The following RBFOX1 variants were observed in gnomAD, a reference collection of about 807,000 sequenced individuals.
RBFOX1 encodes the protein RNA binding protein fox-1 homolog 1.
Under a neutral mutation model 57.7 loss-of-function variants are expected in RBFOX1, and 8 were observed. That is an observed-to-expected ratio of 0.14 (90% CI 0.08 to 0.25). RBFOX1 has a LOEUF of 0.25. Among genes scored for constraint, RBFOX1 ranks in the 10% least tolerant of loss-of-function variants. The pLI is 1.00. For synonymous variants in RBFOX1, 326 were observed against 222.4 expected (o/e 1.47, Z -4.15); for missense variants, 611 against 548.5 (o/e 1.11, Z -1.14).
intron 2 of RBFOX1, among the ~76,000 whole-genome samples, chr16:6,385,264 G>A (rs1057366273): frequency 1.3e-5 from 2 of 152,202 alleles, no homozygotes; most frequent in Admixed American, 1.3e-4. Flanking sequence ...AAGGACGTAG[G>A]TCTGGGTTCG....
Position 7,183,692 on chromosome 16 carries a change from G to A in RBFOX1, c.27+131594G>A, listed in dbSNP as rs980219536. On this transcript the variant is annotated intron_variant, in intron 4 of 15. Coordinates refer to ENST00000550418, the MANE Select transcript of RBFOX1 (RefSeq NM_018723.4). Reference sequence around the variant, plus strand: ...GATGATATCTTCAGGCAGAAATTTAGGAAGAGTTGACTCACACTGAACACA... The same window carrying A: ...GATGATATCTTCAGGCAGAAATTTAAGAAGAGTTGACTCACACTGAACACA... Among the ~76,000 whole-genome samples, 4 of 152,270 alleles carry A rather than the reference G, an allele frequency of 2.6e-5. No individual in the cohort carries two copies. In the South Asian group the frequency reaches 8.3e-4, roughly 32 times the overall value.
chr16:7,524,465 T>C (rs2078225951), intron 5 of RBFOX1, among the ~76,000 whole-genome samples: 1 of 152,260 alleles, frequency 6.6e-6, no homozygotes, highest in South Asian at 2.1e-4. Flanking sequence ...TGTTAGATAC[T>C]GTTCCTGACA....
At chr16:5,392,989 A>T (rs1490123670) in intron 1 of RBFOX1, among the ~76,000 whole-genome samples, 1 of 152,020 alleles carries the variant, frequency 6.6e-6, no homozygotes, top group Admixed American at 6.6e-5. Flanking sequence ...GTTGAGTGGG[A>T]TGTGGTACCC....
rs949437777 is a variant in RBFOX1 at position 5,334,182 on chromosome 16, G to A, written c.219+94077G>A. 3.9e-5 allele frequency among the ~76,000 whole-genome samples: 6 copies of A among 152,322 alleles called. No individual in the cohort carries two copies. The East Asian group carries it at 1.2e-3, about 29-fold the overall frequency. ...TGGAGTTGGAATGTGTCTGGTCAGA[G>A]GGGAGGATATCTTGGGGCTGACATC... On this transcript the variant is annotated intron_variant, in intron 1 of 2. Coordinates refer to the RBFOX1 transcript ENST00000585867.
At chr16:6,387,671 T>C (rs877254) in intron 2 of RBFOX1, among the ~76,000 whole-genome samples, 51,913 of 152,016 alleles carry the variant, frequency 0.34, 9,491 homozygotes, top group South Asian at 0.62. Flanking sequence ...TTTAGCTTTA[T>C]GCACTTGGGA....
chr16:6,133,731 A>G (rs2096646263), intron 1 of RBFOX1, among the ~76,000 whole-genome samples: 1 of 152,072 alleles, frequency 6.6e-6, no homozygotes, highest in South Asian at 2.1e-4. Context: ...GGTAGTCAGG[A>G]AAGATTTATT....
At chr16:6,515,957 T>C (rs1171169902) in intron 2 of RBFOX1, among the ~76,000 whole-genome samples, 2 of 152,200 alleles carry the variant, frequency 1.3e-5, no homozygotes, top group Non-Finnish European at 2.9e-5. Context: ...TAGGTACTGG[T>C]ACTGAAATAC....
At chr16:6,809,712 C>T (rs540693260) in intron 3 of RBFOX1, among the ~76,000 whole-genome samples, 1 of 152,144 alleles carries the variant, frequency 6.6e-6, no homozygotes, top group East Asian at 1.9e-4. Flanking sequence ...TTTTCATTGT[C>T]TCTGAATTGG....
chr16:5,522,666 C>G (rs982894363), intron 2 of RBFOX1, among the ~76,000 whole-genome samples: 7 of 152,156 alleles, frequency 4.6e-5, no homozygotes, highest in Admixed American at 1.3e-4. Context: ...ATTAACCAGT[C>G]TCTCTCATCT....
chr16:6,207,166 G>A (rs2097260919), intron 1 of RBFOX1, among the ~76,000 whole-genome samples: 1 of 152,140 alleles, frequency 6.6e-6, no homozygotes, highest in Non-Finnish European at 1.5e-5. Context: ...TAACCCTGCT[G>A]CTGCTGGACT....
intron 1 of RBFOX1, among the ~76,000 whole-genome samples, chr16:5,354,069 GC>G (rs1178584914): frequency 1.8e-5 from 1 of 57,060 alleles, no homozygotes; most frequent in East Asian, 1.4e-3. Context: ...CTGCTGGGAG[GC>G]CAGTCTCCAC....
chr16:7,608,132 T>G (rs1348886293), intron 10 of RBFOX1, among the ~76,000 whole-genome samples: 1 of 152,242 alleles, frequency 6.6e-6, no homozygotes, highest in Non-Finnish European at 1.5e-5. Context: ...AAGTCTTTCT[T>G]TGATGTGGCT....
At chr16:6,039,009 C>CAAAAAAAAAAAAAAAAAAAAAAAAAA in intron 1 of RBFOX1, 1 of 47,768 alleles carries the variant, frequency 2.1e-5, no homozygotes, top group Admixed American at 2.5e-4. Context: ...TGCTGGTTTG[C>CAAAAAAAAAAAAAAAAAAAAAAAAAA]AAAAAAAAAA....
chr16:5,548,167 A>AT (rs2045298688), intron 2 of RBFOX1, among the ~76,000 whole-genome samples: 7 of 62,434 alleles, frequency 1.1e-4, no homozygotes, highest in Admixed American at 2.1e-4. Context: ...TTAAAAAAAA[A>AT]AAAAAAAATA....
intron 3 of RBFOX1, among the ~76,000 whole-genome samples, chr16:5,768,003 A>G (rs566293469): frequency 6.6e-6 from 1 of 152,220 alleles, no homozygotes; most frequent in Non-Finnish European, 1.5e-5. Context: ...CGGGCCACCC[A>G]TCAGAATGAA....
At chr16:7,497,337 A>G (rs1465956792) in intron 4 of RBFOX1, among the ~76,000 whole-genome samples, 1 of 151,864 alleles carries the variant, frequency 6.6e-6, no homozygotes, top group African/African-American at 2.4e-5. Flanking sequence ...TCTTCCTTGA[A>G]TTTGCACCTA....
chr16:7,530,739 A>C (rs866251811), intron 5 of RBFOX1, among the ~76,000 whole-genome samples: 1 of 152,310 alleles, frequency 6.6e-6, no homozygotes, highest in Non-Finnish European at 1.5e-5. Flanking sequence ...GCTAGGTCCA[A>C]GTGACTGTAC....
At chr16:5,561,077 C>A (rs2045874257) in intron 2 of RBFOX1, among the ~76,000 whole-genome samples, 1 of 152,128 alleles carries the variant, frequency 6.6e-6, no homozygotes, top group Non-Finnish European at 1.5e-5. Flanking sequence ...CAAATGGATT[C>A]CCTCTGTTGT....
At chr16:7,383,697 C>G (rs947337362) in intron 4 of RBFOX1, among the ~76,000 whole-genome samples, 2 of 152,124 alleles carry the variant, frequency 1.3e-5, no homozygotes, top group Non-Finnish European at 2.9e-5. Context: ...AGTTCCCATT[C>G]TGTATATTAA....
Sources: gnomAD v4.1 joint callset for allele counts (sites outside exome capture counted in the v4.1 genomes callset) on GRCh38, gnomAD v4.1.1 for gene constraint, MANE v1.5 for transcripts, NCBI Gene and HGNC (gene_info 2026-07-23, HGNC 2026-07-21) for gene names.